The following TENM4 variants were observed in gnomAD, a reference collection of about 807,000 sequenced individuals.
TENM4 encodes the protein teneurin transmembrane protein 4.
TENM4 carries 82 observed loss-of-function variants against 243.3 expected under a neutral mutation model. That is an observed-to-expected ratio of 0.34 (90% CI 0.28 to 0.40). The LOEUF (loss-of-function observed/expected upper bound fraction) is 0.40, where lower values mean the gene tolerates loss of function less well. Ranked by LOEUF, TENM4 falls within the 10% of genes least tolerant of loss-of-function variation. The probability of loss-of-function intolerance (pLI) is 1.00; values close to 1 mark genes in which losing one functional copy is unlikely to be tolerated. For missense variants in TENM4, 3,138 were observed against 3,673.3 expected, an observed-to-expected ratio of 0.85 and a Z score of 3.77; for synonymous variants, 1,412 against 1,456.3, an observed-to-expected ratio of 0.97 and a Z score of 0.69.
rs1857855788 is a variant in TENM4 at position 78,654,945 on chromosome 11, G to A, written c.*3113C>T. 1 of 152,446 alleles carries A rather than the reference G, an allele frequency of 6.6e-6. No homozygotes were observed. The highest frequency in any genetic ancestry group is 2.4e-5 in the African/African-American group (1 of 41,440). 9.4% of individuals were successfully genotyped at this position (152,446 alleles called of 1,614,324 possible). ...CTGTGCGGGGTAGGAGAGAAGGCAG[G>A]AACTGTAGGATCATACACCTGGGCA... On this transcript the variant is annotated 3_prime_UTR_variant, in exon 34 of 34. Coordinates refer to ENST00000278550, the MANE Select transcript of TENM4 (RefSeq NM_001098816.3).
Position 78,939,237 on chromosome 11 carries a change from C to A in TENM4, c.494-35714G>T, listed in dbSNP as rs570354910. On this transcript the variant is annotated intron_variant, in intron 6 of 33. Transcript: ENST00000278550. The stretch of plus-strand genomic sequence containing the variant: ...ACTTCTCTCTCCACATACGGCTGAG[C>A]TTTTCACAGTGTTTCAGAAGCCCAG... 2.6e-5 allele frequency among the ~76,000 whole-genome samples: 4 copies of A among 152,328 alleles called. No homozygotes were observed. The South Asian group carries it at 6.2e-4, about 24-fold the overall frequency.
At chr11:78,685,663 A>C (rs964121964) in intron 29 of TENM4, among the ~76,000 whole-genome samples, 1 of 152,202 alleles carries the variant, frequency 6.6e-6, no homozygotes, top group Non-Finnish European at 1.5e-5. Flanking sequence ...AGCCCACATG[A>C]ACCTTTGAGA....
intron 10 of TENM4, among the ~76,000 whole-genome samples, chr11:78,862,259 G>A (rs1397831879): frequency 1.3e-5 from 2 of 152,058 alleles, no homozygotes; most frequent in Admixed American, 6.6e-5. Flanking sequence ...ACCATTTACT[G>A]GCTGTGTGAC....
At chr11:79,199,407 T>A (rs1381453463) in intron 3 of TENM4, among the ~76,000 whole-genome samples, 1 of 152,226 alleles carries the variant, frequency 6.6e-6, no homozygotes, top group East Asian at 1.9e-4. Flanking sequence ...AGAATAATAA[T>A]GTCCCTGACT....
At chr11:78,697,677 G>T (rs1258528744) in intron 28 of TENM4, among the ~76,000 whole-genome samples, 1 of 152,126 alleles carries the variant, frequency 6.6e-6, no homozygotes, top group Non-Finnish European at 1.5e-5. Flanking sequence ...CAAACCCTAA[G>T]CTTGACGCAA....
chr11:79,436,414 T>C (rs538722508), intron 1 of TENM4, among the ~76,000 whole-genome samples: 2 of 152,222 alleles, frequency 1.3e-5, no homozygotes, highest in East Asian at 3.9e-4. Context: ...GGGAGAGGAC[T>C]GAAGCTCCAA....
At chr11:79,317,583 C>T (rs1330780141) in intron 1 of TENM4, among the ~76,000 whole-genome samples, 1 of 152,008 alleles carries the variant, frequency 6.6e-6, no homozygotes, top group African/African-American at 2.4e-5. Flanking sequence ...TATTACAATC[C>T]TTATTTTCAG....
intron 18 of TENM4, among the ~76,000 whole-genome samples, chr11:78,758,464 C>T (rs1457359323): frequency 6.6e-6 from 1 of 152,096 alleles, no homozygotes; most frequent in Admixed American, 6.5e-5. Flanking sequence ...AAGTATGGCC[C>T]CCAACAGTGA....
Position 78,701,812 on chromosome 11 carries a change from G to T in TENM4, c.4801C>A (p.Leu1601Met), listed in dbSNP as rs751305661. 8.1e-6 allele frequency: 13 copies of T among 1,614,046 alleles called. No homozygotes were observed. The East Asian group carries it at 2.7e-4, about 33-fold the overall frequency. ...TTGTACAGGTAGTCTCCTGTGGGCA[G>T]GCTTTGGGTGTACAGGTGCTTGCCG... ...TTGKHLYTQSLPTGDYLYNFT... is the reference protein window; with the variant it reads ...TTGKHLYTQSMPTGDYLYNFT... The change falls in exon 28 of 34, where the codon CTG becomes ATG. Residue 1601 changes from leucine (L) to methionine (M), a missense_variant. Leu to Met is a conservative substitution (Grantham distance 15). Transcript: ENST00000278550.
At chr11:79,007,191 C>T (rs573190382) in intron 6 of TENM4, among the ~76,000 whole-genome samples, 54 of 152,226 alleles carry the variant, frequency 3.5e-4, no homozygotes, top group African/African-American at 1.0e-3. Context: ...AGTATTTCTC[C>T]GGAGAACCCT....
intron 2 of TENM4, among the ~76,000 whole-genome samples, chr11:79,292,069 A>G (rs759600992): frequency 9.2e-5 from 14 of 152,180 alleles, no homozygotes; most frequent in Non-Finnish European, 1.9e-4. Context: ...CTAAGAGCAC[A>G]TGTTGCTGCT....
At chr11:79,030,719 T>C (rs569072513) in intron 6 of TENM4, among the ~76,000 whole-genome samples, 1 of 152,234 alleles carries the variant, frequency 6.6e-6, no homozygotes, top group Non-Finnish European at 1.5e-5. Flanking sequence ...TCCTTCTTAC[T>C]TACTGCCCAG....
At chr11:78,917,564 T>C (rs1856345791) in intron 6 of TENM4, among the ~76,000 whole-genome samples, 1 of 152,100 alleles carries the variant, frequency 6.6e-6, no homozygotes, top group Admixed American at 6.5e-5. Context: ...ATAAGCCAAG[T>C]CATACTACAA....
At chr11:78,769,733 G>C (rs972681642) in intron 18 of TENM4, among the ~76,000 whole-genome samples, 5 of 152,200 alleles carry the variant, frequency 3.3e-5, no homozygotes, top group Non-Finnish European at 5.9e-5. Context: ...GCTCCACTGG[G>C]CCCAGGCCTG....
At chr11:79,288,913 G>T (rs950086172) in intron 2 of TENM4, among the ~76,000 whole-genome samples, 1 of 152,134 alleles carries the variant, frequency 6.6e-6, no homozygotes, top group African/African-American at 2.4e-5. Flanking sequence ...ATGAACCATA[G>T]GGAAAACTGC....
At position 78,999,478 on chromosome 11, in the gene TENM4, C is replaced by T. The variant is rs111677799; in HGVS notation, c.493+65260G>A. On this transcript the variant is annotated intron_variant, in intron 6 of 33. Transcript: ENST00000278550. ...TTGTAGTGAGCCGAGATCACACCACCGCACTTCAGCCTGGGAGACAGAGCG... is the reference window on the plus strand; with the variant it reads ...TTGTAGTGAGCCGAGATCACACCACTGCACTTCAGCCTGGGAGACAGAGCG... Among the ~76,000 whole-genome samples the T allele has an allele frequency of 3.0e-3, 453 of 151,998 alleles. 2 individuals carry two copies. Among genetic ancestry groups the T allele is most frequent in the African/African-American group, 9.6e-3 (400 of 41,464 alleles).
chr11:78,915,016 G>A (rs186948736), intron 6 of TENM4, among the ~76,000 whole-genome samples: 1 of 152,288 alleles, frequency 6.6e-6, no homozygotes, highest in East Asian at 1.9e-4. Flanking sequence ...GCTCCCCACT[G>A]CCTACAGTAC....
intron 4 of TENM4, among the ~76,000 whole-genome samples, chr11:79,142,126 G>A (rs1023622512): frequency 1.4e-4 from 21 of 151,942 alleles, no homozygotes; most frequent in African/African-American, 5.1e-4. Context: ...TAGTACTGGA[G>A]CTAGAGCAAT....
chr11:78,968,676 C>T (rs909767876), intron 6 of TENM4, among the ~76,000 whole-genome samples: 77 of 152,282 alleles, frequency 5.1e-4, no homozygotes, highest in South Asian at 8.3e-4. Flanking sequence ...AAGATTTTTT[C>T]CTTAAAACAT....
Sources: gnomAD v4.1 joint callset for allele counts (sites outside exome capture counted in the v4.1 genomes callset) on GRCh38, gnomAD v4.1.1 for gene constraint, MANE v1.5 for transcripts, NCBI Gene and HGNC (gene_info 2026-07-23, HGNC 2026-07-21) for gene names.